Variants in ABL2 observed in about 807,000 individuals in gnomAD.
The protein encoded by ABL2 is tyrosine-protein kinase ABL2.
Under a neutral mutation model 107.7 loss-of-function variants are expected in ABL2, and 49 were observed. The observed-to-expected ratio is 0.45, with a 90% CI of 0.36 to 0.58. ABL2 has a LOEUF of 0.58. Ranked by LOEUF, ABL2 falls within the 20% of genes least tolerant of loss-of-function variation. ABL2 has a pLI of 0.00. For missense variants in ABL2, 1,245 were observed against 1,457.0 expected (o/e 0.85, Z 2.37); for synonymous variants, 549 against 548.6 (o/e 1.00, Z -0.01).
At position 179,126,560 on chromosome 1, in the gene ABL2, C is replaced by T. The variant is rs1448136567; in HGVS notation, c.504G>A (p.Leu168=). Residue 168 remains leucine, a synonymous_variant, in exon 4 of 12, where the codon CTG becomes CTA. Coordinates refer to ENST00000502732, the MANE Select transcript of ABL2 (RefSeq NM_007314.4). This position sits in a 1 kb window ranked among gnomAD's most constrained non-coding sequence, Gnocchi z 4.4. ...GTCCATGGTACCAGGAGTGTTTTTCCAGGCTGTTCACTGGGGTGATGTAGT... is the reference window on the plus strand; with the variant it reads ...GTCCATGGTACCAGGAGTGTTTTTCTAGGCTGTTCACTGGGGTGATGTAGT... ...PSNYITPVNS[L]EKHSWYHGPV... is the part of the protein sequence containing the mutation. 6.2e-7 allele frequency: 1 copy of T among 1,614,054 alleles called. No individual in the cohort carries two copies. The highest frequency in any genetic ancestry group is 2.2e-5 in the East Asian group (1 of 44,896).
At chr1:179,130,361 T>C (rs28625862) in intron 3 of ABL2, among the ~76,000 whole-genome samples, 36 of 152,226 alleles carry the variant, frequency 2.4e-4, no homozygotes, top group African/African-American at 8.4e-4. Flanking sequence ...TAGTCCACAG[T>C]GAGATTAAGA....
chr1:179,100,762 G>C lies in ABL2; in HGVS notation c.*6956C>G, dbSNP rs1382537051. The C allele has an allele frequency of 4.3e-6, 1 of 231,490 alleles. No individual in the cohort carries two copies. The highest frequency in any genetic ancestry group is 8.5e-6 in the Non-Finnish European group (1 of 117,010). The allele number at this position is 231,490 out of a possible 1,614,324, so 14.3% of individuals were successfully genotyped here. A position where few individuals can be genotyped will look rare whatever the true frequency, so the allele number is the denominator to read the frequency against. On this transcript the variant is annotated 3_prime_UTR_variant, in exon 12 of 12. Coordinates refer to ENST00000502732, the MANE Select transcript of ABL2 (RefSeq NM_007314.4). ...CTTCCAGAATAGACACAGATGACATGTATCACAATTCTGCTCCAAATATGG... is the reference window on the plus strand; with the variant it reads ...CTTCCAGAATAGACACAGATGACATCTATCACAATTCTGCTCCAAATATGG...
intron 4 of ABL2, among the ~76,000 whole-genome samples, chr1:179,123,758 T>C (rs1655454630): frequency 6.6e-6 from 1 of 152,010 alleles, no homozygotes; most frequent in Non-Finnish European, 1.5e-5. Flanking sequence ...GCTTCCCGAG[T>C]AGCTAGGACC....
intron 1 of ABL2, among the ~76,000 whole-genome samples, chr1:179,196,973 A>G (rs544517391): frequency 6.6e-6 from 1 of 152,358 alleles, no homozygotes; most frequent in South Asian, 2.1e-4. Context: ...AGATTAGCTC[A>G]GCTAAAGATG....
chr1:179,115,172 T>G (rs945436228), intron 8 of ABL2, 142 bp from the exon 9 acceptor site: 4 of 642,388 alleles, frequency 6.2e-6, no homozygotes, highest in African/African-American at 1.9e-5. Flanking sequence ...CTTTTATCAA[T>G]TCTTACAGCA....
At chr1:179,162,668 T>C (rs747942993) in intron 1 of ABL2, among the ~76,000 whole-genome samples, 4 of 152,214 alleles carry the variant, frequency 2.6e-5, no homozygotes, top group Non-Finnish European at 5.9e-5. Context: ...TTCTCACAGA[T>C]ATTCTTTTCA....
chr1:179,156,221 G>A (rs1369467256), intron 1 of ABL2, among the ~76,000 whole-genome samples: 1 of 152,066 alleles, frequency 6.6e-6, no homozygotes, highest in African/African-American at 2.4e-5. Context: ...CATATATTTG[G>A]GTACTGGCTG....
intron 1 of ABL2, among the ~76,000 whole-genome samples, chr1:179,215,260 C>G (rs1388824909): frequency 6.6e-6 from 1 of 151,972 alleles, no homozygotes; most frequent in Non-Finnish European, 1.5e-5. Context: ...TGTAAATACA[C>G]AGCAAGTTCT....
chr1:179,175,038 G>GT (rs956832739), intron 1 of ABL2, among the ~76,000 whole-genome samples: 12 of 151,228 alleles, frequency 7.9e-5, no homozygotes, highest in African/African-American at 2.7e-4. Context: ...GGAATTCTTA[G>GT]TTTTTTTAAA....
rs559813285 is a variant in ABL2, at chr1:179,168,537, T to C, written c.158-35163A>G. Among the ~76,000 whole-genome samples, 7 of 152,350 alleles carry C rather than the reference T, an allele frequency of 4.6e-5. No homozygotes were observed. In the South Asian group the frequency reaches 1.4e-3, roughly 32 times the overall value. On this transcript the variant is annotated intron_variant, in intron 1 of 11. Coordinates refer to ENST00000502732, the MANE Select transcript of ABL2 (RefSeq NM_007314.4). ...CAAAAATGATAGAATTAGCACTTTT[T>C]AAAACTTGTAGTGAAAAAGGTTTTA...
chr1:179,128,319 C>A (rs1443751917), intron 3 of ABL2, among the ~76,000 whole-genome samples: 1 of 151,672 alleles, frequency 6.6e-6, no homozygotes, highest in Non-Finnish European at 1.5e-5. Flanking sequence ...TGCACAAATA[C>A]TTGCCAATCA....
In ABL2 at chr1:179,184,565, GAGA is replaced by G. The variant is rs1007039835; in HGVS notation, c.157+44673_157+44675del. On this transcript the variant is annotated intron_variant, in intron 1 of 11. Coordinates refer to ENST00000502732, the MANE Select transcript of ABL2 (RefSeq NM_007314.4). ...CCGACTGATATGGATGAAGAAGGAG[GAGA>G]AGATGAGGAGGAGGAGGAGGAGGAA... 4.4e-5 allele frequency: 25 copies of G among 563,622 alleles called. No homozygotes were observed. In the Admixed American group the frequency reaches 4.6e-4, roughly 10 times the overall value. 34.9% of individuals were successfully genotyped at this position (563,622 alleles called of 1,614,324 possible).
At chr1:179,188,460 T>A (rs1223196256) in intron 1 of ABL2, among the ~76,000 whole-genome samples, 1 of 151,792 alleles carries the variant, frequency 6.6e-6, no homozygotes, top group African/African-American at 2.4e-5. Context: ...GGCAGGAGAA[T>A]TGTTTGAACG....
At chr1:179,205,870 T>C (rs1486801821) in intron 1 of ABL2, among the ~76,000 whole-genome samples, 1 of 152,202 alleles carries the variant, frequency 6.6e-6, no homozygotes, top group African/African-American at 2.4e-5. Flanking sequence ...GAACTAGCCC[T>C]GCCAATAACA....
chr1:179,131,604 A>G, intron 2 of ABL2, 123 bp from the exon 3 acceptor site: 1 of 925,650 alleles, frequency 1.1e-6, no homozygotes, highest in Non-Finnish European at 1.6e-6. Flanking sequence ...TGTACAGTAT[A>G]AAGTGTTATG....
At chr1:179,114,330 C>T (rs1053911619) in intron 9 of ABL2, among the ~76,000 whole-genome samples, 35 of 151,104 alleles carry the variant, frequency 2.3e-4, no homozygotes, top group African/African-American at 8.3e-4. Context: ...ATCACTTGAA[C>T]CCATGAGGTA....
At chr1:179,146,306 A>G (rs550568706) in intron 1 of ABL2, among the ~76,000 whole-genome samples, 14 of 152,320 alleles carry the variant, frequency 9.2e-5, no homozygotes, top group Admixed American at 9.2e-4. Flanking sequence ...CAGGGCTTGC[A>G]GATTACTTGG....
chr1:179,199,103 A>C (rs141297126), intron 1 of ABL2, among the ~76,000 whole-genome samples: 19 of 152,236 alleles, frequency 1.2e-4, no homozygotes, highest in African/African-American at 4.3e-4. Context: ...TCGGCCTCCC[A>C]AAGTGCTGAG....
chr1:179,197,270 T>C (rs971185359), intron 1 of ABL2, among the ~76,000 whole-genome samples: 1 of 151,258 alleles, frequency 6.6e-6, no homozygotes, highest in African/African-American at 2.4e-5. Context: ...AAAAAAAAAA[T>C]TTAACCACCA....
Sources: gnomAD v4.1 joint callset for allele counts (sites outside exome capture counted in the v4.1 genomes callset) on GRCh38, gnomAD v4.1.1 for gene constraint, Gnocchi (gnomAD v3.1) non-coding constraint, MANE v1.5 for transcripts, NCBI Gene and HGNC (gene_info 2026-07-23, HGNC 2026-07-21) for gene names.